Variants in ARL10 observed in about 807,000 individuals in gnomAD.
The protein encoded by ARL10 is ADP-ribosylation factor-like protein 10.
In ARL10, 23 loss-of-function variants were observed where a neutral mutation model predicts 26.1. The observed-to-expected ratio is 0.88, with a 90% CI of 0.63 to 1.25. The LOEUF (loss-of-function observed/expected upper bound fraction) is 1.25, where lower values mean the gene tolerates loss of function less well. ARL10 is among the 50% of genes most tolerant of loss of function. The pLI is 0.00. For synonymous variants in ARL10, 138 were observed against 149.1 expected (o/e 0.93, Z 0.54); for missense variants, 300 against 323.6 (o/e 0.93, Z 0.56).
intron 1 of ARL10, chr5:176,396,536 G>A: frequency 6.2e-7 from 1 of 1,612,706 alleles, no homozygotes; most frequent in Non-Finnish European, 8.5e-7. Flanking sequence ...AGCGATCCTT[G>A]AGGGAAAGGT....
In ARL10 at chr5:176,393,953, C is replaced by T. The variant is rs113934356; in HGVS notation, c.134-7788C>T. Among the ~76,000 whole-genome samples, 1,061 of 152,274 alleles carry T rather than the reference C, an allele frequency of 7.0e-3. 8 individuals are homozygous for T. Among genetic ancestry groups the T allele is most frequent in the Admixed American group, 0.014 (208 of 15,294 alleles). On this transcript the variant is annotated intron_variant, in intron 1 of 1. Transcript: ENST00000514533. This position sits in a 1 kb window ranked among gnomAD's most constrained non-coding sequence, Gnocchi z 4.4. ...CCATCTCAAGCAGGACCAGTTCTGC[C>T]GATGCCAGACATGACTGATGGCAGG...
chr5:176,385,001 A>G (rs1224127195), downstream of ARL10: 20 of 579,704 alleles, frequency 3.5e-5, no homozygotes, highest in Admixed American at 5.6e-4. Context: ...CGAGCAAAAC[A>G]TTTATCTGTG....
chr5:176,397,589 T>C, intron 1 of ARL10: 1 of 1,247,688 alleles, frequency 8.0e-7, no homozygotes. Flanking sequence ...CCCCCTCATG[T>C]CCCTACAGCC....
At chr5:176,394,708 A>G (rs1009234794) in intron 1 of ARL10, among the ~76,000 whole-genome samples, 13 of 152,038 alleles carry the variant, frequency 8.6e-5, no homozygotes, top group South Asian at 4.2e-4. Flanking sequence ...CCAGCTACTC[A>G]GGAGGCCGAG....
Position 176,372,112 on chromosome 5 carries a change from G to C in ARL10, c.*217G>C. ...CCGAAGCAGGGAGGTGGGTGAGACA[G>C]AGGGTGGGGAGGATAGTGTCTGGCT... is the stretch of plus-strand genomic sequence containing the variant. On this transcript the variant is annotated 3_prime_UTR_variant, in exon 4 of 4. Transcript: ENST00000310389. 7.1e-7 allele frequency: 1 copy of C among 1,401,838 alleles called. No individual in the cohort carries two copies. The highest frequency in any genetic ancestry group is 9.3e-7 in the Non-Finnish European group (1 of 1,075,954). 86.8% of individuals were successfully genotyped at this position (1,401,838 alleles called of 1,614,324 possible).
downstream of ARL10, among the ~76,000 whole-genome samples, chr5:176,390,096 C>G (rs188167755): frequency 3.3e-4 from 48 of 147,616 alleles, no homozygotes; most frequent in African/African-American, 1.2e-3. Context: ...GCAGGAGAAT[C>G]ACTTGAACCC....
the ARL10 span, among the ~76,000 whole-genome samples, chr5:176,408,598 C>T: frequency 6.6e-6 from 1 of 151,968 alleles, no homozygotes; most frequent in Non-Finnish European, 1.5e-5. Context: ...ATAGTCACTG[C>T]AGCCTGGACC....
rs1204531438 is a variant in ARL10, at chr5:176,376,903, C to T, written c.*5008C>T. 1 of 152,214 alleles carries T rather than the reference C, an allele frequency of 6.6e-6. No individual in the cohort carries two copies. The highest frequency in any genetic ancestry group is 2.4e-5 in the African/African-American group (1 of 41,454). The allele number at this position is 152,214 out of a possible 1,614,324, so 9.4% of individuals were successfully genotyped here. A position where few individuals can be genotyped will look rare whatever the true frequency, so the allele number is the denominator to read the frequency against. ...GGCACTTTTTCTCTGATACCATCTC[C>T]AGAAGACCTAGTCTCAGGTTACAGA... On this transcript the variant is annotated 3_prime_UTR_variant, in exon 4 of 4. Coordinates refer to ENST00000310389, the MANE Select transcript of ARL10 (RefSeq NM_173664.6).
At chr5:176,407,482 T>G in the ARL10 span, 19,049 of 152,230 alleles carry the variant, frequency 0.13, 1,477 homozygotes, top group South Asian at 0.21. Context: ...TTTTGTATTT[T>G]TAGTAGAGAC....
chr5:176,382,479 T>C (rs1026925389), downstream of ARL10, among the ~76,000 whole-genome samples: 1 of 152,160 alleles, frequency 6.6e-6, no homozygotes, highest in Non-Finnish European at 1.5e-5. Flanking sequence ...ACTCCTCACA[T>C]AGAAGGGAAG....
chr5:176,400,432 C>T (rs760960193), intron 1 of ARL10, among the ~76,000 whole-genome samples: 3 of 152,144 alleles, frequency 2.0e-5, no homozygotes, highest in East Asian at 3.9e-4. Flanking sequence ...AGAGCCAGGA[C>T]TAGAGTCCAG....
At chr5:176,389,249 C>A, downstream of ARL10, 1 of 1,493,076 alleles carries the variant, frequency 6.7e-7, no homozygotes, top group South Asian at 1.3e-5. Flanking sequence ...GAGATCTTGG[C>A]TTTGGGGAAG....
intron 1 of ARL10, chr5:176,398,119 G>C: frequency 7.2e-7 from 1 of 1,381,804 alleles, no homozygotes; most frequent in South Asian, 1.2e-5. Flanking sequence ...CCCTGCTGGG[G>C]ACCCACTCAT....
rs552177292 is a variant in ARL10, at chr5:176,365,545, G to C, written c.-19G>C. 6.0e-4 allele frequency: 732 copies of C among 1,226,250 alleles called. No homozygotes were observed. Among genetic ancestry groups the C allele is most frequent in the Non-Finnish European group, 7.0e-4 (690 of 984,450 alleles). 76.0% of individuals were successfully genotyped at this position (1,226,250 alleles called of 1,614,324 possible). ...GGCTCGGCCTGTGCAACCCGCACCT[G>C]CGTCCCTCGCCCGGCCCGATGGCGC... On this transcript the variant is annotated 5_prime_UTR_variant, in exon 1 of 4. Transcript: ENST00000310389.
At chr5:176,388,752 C>T (rs962548030), downstream of ARL10, 23 of 1,567,184 alleles carry the variant, frequency 1.5e-5, no homozygotes, top group African/African-American at 3.2e-4. Flanking sequence ...TTTCCCCGCC[C>T]CTTTCATGAC....
At position 176,375,148 on chromosome 5, in the gene ARL10, C is replaced by A. The variant is rs1768652836; in HGVS notation, c.*3253C>A. 8.5e-6 allele frequency: 1 copy of A among 117,562 alleles called. No individual in the cohort carries two copies. The highest frequency in any genetic ancestry group is 1.9e-5 in the Non-Finnish European group (1 of 53,894). The allele number at this position is 117,562 out of a possible 1,614,324, so 7.3% of individuals were successfully genotyped here. On this transcript the variant is annotated 3_prime_UTR_variant, in exon 4 of 4. Coordinates refer to ENST00000310389, the MANE Select transcript of ARL10 (RefSeq NM_173664.6). Reference sequence around the variant, plus strand: ...CCCGTCCACCCGTCCACCCATCCACCCACCCACCCATCCATCCACCCACCC... The same window carrying A: ...CCCGTCCACCCGTCCACCCATCCACACACCCACCCATCCATCCACCCACCC...
chr5:176,397,305 G>T, intron 1 of ARL10, among the ~76,000 whole-genome samples: 1 of 149,214 alleles, frequency 6.7e-6, no homozygotes, highest in Non-Finnish European at 1.5e-5. Flanking sequence ...TGTCCCCACA[G>T]CCCCTCTCAT....
downstream of ARL10, chr5:176,383,853 C>A (rs879149960): frequency 1.5e-5 from 13 of 871,438 alleles, no homozygotes; most frequent in Non-Finnish European, 2.2e-5. Flanking sequence ...TGCTGACAGG[C>A]GGGATGGCCT....
chr5:176,390,350 G>A (rs1756219227), downstream of ARL10, among the ~76,000 whole-genome samples: 1 of 152,092 alleles, frequency 6.6e-6, no homozygotes, highest in Non-Finnish European at 1.5e-5. Context: ...GTCAGAGGCA[G>A]AGGGTTCTGC....
Sources: gnomAD v4.1 joint callset for allele counts (sites outside exome capture counted in the v4.1 genomes callset) on GRCh38, gnomAD v4.1.1 for gene constraint, Gnocchi (gnomAD v3.1) non-coding constraint, MANE v1.5 for transcripts, NCBI Gene and HGNC (gene_info 2026-07-23, HGNC 2026-07-21) for gene names.